The following GLYATL3 variants were observed in gnomAD, a reference collection of about 807,000 sequenced individuals.
GLYATL3 encodes glycine-N-acyltransferase like 3.
Under a neutral mutation model 28.5 loss-of-function variants are expected in GLYATL3, and 31 were observed. That is an observed-to-expected ratio of 1.09 (90% CI 0.82 to 1.47). The LOEUF (loss-of-function observed/expected upper bound fraction) is 1.47. GLYATL3 is among the 40% of genes most tolerant of loss of function. GLYATL3 has a pLI of 0.00. For missense variants in GLYATL3, 369 were observed against 351.5 expected, an observed-to-expected ratio of 1.05 and a Z score of -0.40; for synonymous variants, 141 against 140.2, an observed-to-expected ratio of 1.01 and a Z score of -0.04.
intron 2 of GLYATL3, among the ~76,000 whole-genome samples, chr6:49,514,626 T>C (rs940584388): frequency 6.6e-6 from 1 of 151,948 alleles, no homozygotes; most frequent in African/African-American, 2.4e-5. Context: ...AACCCAGGAG[T>C]TCGAGACCTG....
chr6:49,504,208 G>A (rs999714137), intron 1 of GLYATL3, among the ~76,000 whole-genome samples: 17 of 69,922 alleles, frequency 2.4e-4, no homozygotes, highest in Non-Finnish European at 5.4e-4. Flanking sequence ...GAGTTAGCAT[G>A]GTTATTTTTT....
Position 49,525,109 on chromosome 6 carries a change from T to TTTA in GLYATL3, c.441-1379_441-1378insTTA, listed in dbSNP as rs1554165738. ...TTCTAAAACATTTTTTTTTTTTTTT[T>TTTA]ATTGAGCAAAAGATTAGGGCTTCAA... On this transcript the variant is annotated intron_variant, in intron 5 of 5. Transcript: ENST00000371197. Among the ~76,000 whole-genome samples the TTTA allele has an allele frequency of 5.3e-5, 8 of 151,224 alleles. 2 individuals carry two copies. The highest frequency in any genetic ancestry group is 4.2e-4 in the South Asian group (2 of 4,802).
chr6:49,504,687 G>T (rs1157818281), intron 1 of GLYATL3, among the ~76,000 whole-genome samples: 3 of 151,996 alleles, frequency 2.0e-5, no homozygotes, highest in Non-Finnish European at 4.4e-5. Flanking sequence ...GGCCTTGTGG[G>T]TTATAAGGAA....
At chr6:49,516,421 C>T (rs1407856524) in intron 3 of GLYATL3, among the ~76,000 whole-genome samples, 1 of 151,992 alleles carries the variant, frequency 6.6e-6, no homozygotes, top group Non-Finnish European at 1.5e-5. Flanking sequence ...TTCCTTATGA[C>T]TGATGACTTT....
intron 4 of GLYATL3, among the ~76,000 whole-genome samples, chr6:49,518,720 C>G (rs929437035): frequency 6.6e-6 from 1 of 152,010 alleles, no homozygotes; most frequent in African/African-American, 2.4e-5. Context: ...GTGGGTAGAT[C>G]GTGAGGTCAG....
At chr6:49,508,682 T>C (rs1293821382) in intron 1 of GLYATL3, among the ~76,000 whole-genome samples, 2 of 152,242 alleles carry the variant, frequency 1.3e-5, no homozygotes, top group African/African-American at 2.4e-5. Flanking sequence ...TGTCCCTTCA[T>C]AGGCTCTCTG....
intron 1 of GLYATL3, among the ~76,000 whole-genome samples, chr6:49,507,126 G>A (rs1769024518): frequency 6.6e-6 from 1 of 152,114 alleles, no homozygotes; most frequent in African/African-American, 2.4e-5. Flanking sequence ...AAGAAACCAA[G>A]GAGAGATCAA....
intron 2 of GLYATL3, among the ~76,000 whole-genome samples, chr6:49,513,330 C>A (rs1769155695): frequency 6.6e-6 from 1 of 152,066 alleles, no homozygotes; most frequent in Non-Finnish European, 1.5e-5. Flanking sequence ...CTTCTAGCCA[C>A]ACCCCCTCAA....
intron 1 of GLYATL3, among the ~76,000 whole-genome samples, 190 bp downstream of exon 1, chr6:49,500,232 A>C (rs1581862493): frequency 1.3e-5 from 2 of 152,088 alleles, no homozygotes; most frequent in Non-Finnish European, 2.9e-5. Context: ...TTAACTCCTA[A>C]ATTTTGATAT....
chr6:49,518,278 A>C (rs1167681359), intron 4 of GLYATL3, among the ~76,000 whole-genome samples: 2 of 152,184 alleles, frequency 1.3e-5, no homozygotes, highest in African/African-American at 4.8e-5. Context: ...ATGAGCTGTG[A>C]GGAGATAACG....
At chr6:49,510,216 A>G (rs1769096790) in intron 1 of GLYATL3, among the ~76,000 whole-genome samples, 1 of 151,474 alleles carries the variant, frequency 6.6e-6, no homozygotes, top group Non-Finnish European at 1.5e-5. Flanking sequence ...CTAATTTTGT[A>G]TTTTTAGTAG....
Position 49,515,695 on chromosome 6 carries a change from C to A in GLYATL3, c.121C>A (p.Gln41Lys). Reference protein sequence around the residue: ...VMNINRGNPFQKEVVLDSWPD... With the variant: ...VMNINRGNPFKKEVVLDSWPD... ...GAACATAAATCGTGGGAACCCCTTT[C>A]AAAAGGAAGTGGTGTTGGATTCATG... Residue 41 changes from glutamine to lysine, a missense_variant, in exon 3 of 6, where the codon CAA becomes AAA. Gln to Lys is a moderately conservative substitution (Grantham distance 53). Transcript: ENST00000371197. 6.4e-7 allele frequency: 1 copy of A among 1,551,274 alleles called. No homozygotes were observed. The highest frequency in any genetic ancestry group is 8.7e-7 in the Non-Finnish European group (1 of 1,146,612).
intron 2 of GLYATL3, among the ~76,000 whole-genome samples, chr6:49,515,293 A>G (rs1769195835): frequency 6.6e-6 from 1 of 152,190 alleles, no homozygotes; most frequent in Non-Finnish European, 1.5e-5. Context: ...ATATGCATGA[A>G]CCCTAAGAGC....
intron 1 of GLYATL3, 82 bp downstream of exon 1, chr6:49,500,124 T>C (rs1267884903): frequency 6.6e-6 from 1 of 152,192 alleles, no homozygotes; most frequent in Non-Finnish European, 1.5e-5. Flanking sequence ...AGAGAAGAGA[T>C]GAAATCCAAC....
intron 1 of GLYATL3, among the ~76,000 whole-genome samples, chr6:49,501,332 T>C (rs1388307202): frequency 6.6e-6 from 1 of 152,164 alleles, no homozygotes; most frequent in East Asian, 1.9e-4. Flanking sequence ...TCTTTGTTCC[T>C]AGGTGGATTG....
At position 49,499,987 on chromosome 6, in the gene GLYATL3, G is replaced by T. The variant is rs1039823615; in HGVS notation, c.-84G>T. The T allele has an allele frequency of 1.3e-5, 2 of 151,846 alleles. No homozygotes were observed. Among genetic ancestry groups the T allele is most frequent in the African/African-American group, 4.8e-5 (2 of 41,316 alleles). 9.4% of individuals were successfully genotyped at this position (151,846 alleles called of 1,614,324 possible). A position where few individuals can be genotyped will look rare whatever the true frequency, so the allele number is the denominator to read the frequency against. The stretch of plus-strand genomic sequence containing the variant: ...ATAAACTTACCATTTATATAAAAGG[G>T]CTACTGGACTGATACACAGCTGAAA... On this transcript the variant is annotated 5_prime_UTR_variant, in exon 1 of 6. Coordinates refer to ENST00000371197, the MANE Select transcript of GLYATL3 (RefSeq NM_001010904.2).
rs1375884645 is a variant in GLYATL3, at chr6:49,517,441, T to C, written c.198T>C (p.Asp66=). 6.5e-7 allele frequency: 1 copy of C among 1,542,736 alleles called. No homozygotes were observed. The highest frequency in any genetic ancestry group is 1.4e-5 in the African/African-American group (1 of 72,672). The stretch of plus-strand genomic sequence containing the variant: ...GTCTTCTGTCCTAGGCTGAGACAGA[T>C]AACCTTGATCATTATACTAATGCCT... ...ITRRQREAET[D]NLDHYTNAYA... The change falls in exon 4 of 6, where the codon GAT becomes GAC. Residue 66 remains aspartate (D), a synonymous_variant. Coordinates refer to ENST00000371197, the MANE Select transcript of GLYATL3 (RefSeq NM_001010904.2).
At chr6:49,505,278 T>C (rs1338313879) in intron 1 of GLYATL3, among the ~76,000 whole-genome samples, 1 of 152,194 alleles carries the variant, frequency 6.6e-6, no homozygotes, top group African/African-American at 2.4e-5. Context: ...ACAAGGAAAA[T>C]AGATTAGTGT....
chr6:49,525,094 T>C (rs907050341), intron 5 of GLYATL3, among the ~76,000 whole-genome samples: 2 of 10,874 alleles, frequency 1.8e-4, no homozygotes, highest in African/African-American at 1.7e-3. Flanking sequence ...TTCTAAAACA[T>C]TTTTTTTTTT....
Sources: gnomAD v4.1 joint callset for allele counts (sites outside exome capture counted in the v4.1 genomes callset) on GRCh38, gnomAD v4.1.1 for gene constraint, MANE v1.5 for transcripts, NCBI Gene and HGNC (gene_info 2026-07-23, HGNC 2026-07-21) for gene names.